The following FRMD4B variants were observed in gnomAD, a reference collection of about 807,000 sequenced individuals.
FRMD4B encodes FERM domain containing 4B, also known as FERM domain-containing protein 4B.
Under a neutral mutation model 141.5 loss-of-function variants are expected in FRMD4B, and 74 were observed. The ratio of observed to expected loss-of-function variants is 0.52; its 90% CI spans 0.43 to 0.63. The LOEUF is 0.63. FRMD4B is among the 30% of genes least tolerant of loss of function. The pLI, the probability that FRMD4B is intolerant of heterozygous loss-of-function variation, is 0.00. For synonymous variants in FRMD4B, 506 were observed against 467.9 expected (o/e 1.08, Z -1.05); for missense variants, 1,366 against 1,253.4 (o/e 1.09, Z -1.36).
intron 7 of FRMD4B, among the ~76,000 whole-genome samples, chr3:69,227,336 G>A (rs2093264067): frequency 6.6e-6 from 1 of 152,022 alleles, no homozygotes; most frequent in Non-Finnish European, 1.5e-5. Context: ...AGTGGATTAG[G>A]ATCATTTTAA....
intron 1 of FRMD4B, among the ~76,000 whole-genome samples, chr3:69,516,717 T>C (rs1700765130): frequency 6.6e-6 from 1 of 152,186 alleles, no homozygotes; most frequent in Non-Finnish European, 1.5e-5. Context: ...AGAGAAGTCA[T>C]TGGATCTTAT....
chr3:69,245,116 A>C (rs546595981), intron 7 of FRMD4B, among the ~76,000 whole-genome samples: 1 of 152,268 alleles, frequency 6.6e-6, no homozygotes, highest in East Asian at 1.9e-4. Context: ...CCTCACAGCA[A>C]TCCTATGGAG....
At chr3:69,498,057 G>T (rs563922277) in intron 1 of FRMD4B, among the ~76,000 whole-genome samples, 2 of 152,336 alleles carry the variant, frequency 1.3e-5, no homozygotes, top group South Asian at 4.1e-4. Flanking sequence ...TGGGGAGAAT[G>T]CTGCCGAGGA....
At chr3:69,450,044 A>G (rs1333312469) in intron 1 of FRMD4B, among the ~76,000 whole-genome samples, 1 of 151,078 alleles carries the variant, frequency 6.6e-6, no homozygotes. Context: ...AAGGTTCCTC[A>G]GCGTCAGTTT....
At chr3:69,467,220 C>T (rs781134764) in intron 1 of FRMD4B, among the ~76,000 whole-genome samples, 12 of 152,164 alleles carry the variant, frequency 7.9e-5, no homozygotes, top group Non-Finnish European at 1.8e-4. Context: ...CACTTTGGTT[C>T]TCCAAGCTCA....
At chr3:69,484,515 G>T (rs376105894) in intron 1 of FRMD4B, among the ~76,000 whole-genome samples, 11 of 152,170 alleles carry the variant, frequency 7.2e-5, no homozygotes, top group African/African-American at 2.7e-4. Context: ...GATTTATTAA[G>T]TGTTAGAATA....
In FRMD4B at chr3:69,285,332, T is replaced by C. The variant is rs746279811; in HGVS notation, c.501+2420A>G. 4.0e-5 allele frequency among the ~76,000 whole-genome samples: 6 copies of C among 149,458 alleles called. No homozygotes were observed. The South Asian group carries it at 6.3e-4, about 16-fold the overall frequency. ...TCCCCACAAATGCAAAGCATTACTATGTGACAAGTTCAAGTGGCCAAGCGT... is the reference window on the plus strand; with the variant it reads ...TCCCCACAAATGCAAAGCATTACTACGTGACAAGTTCAAGTGGCCAAGCGT... On this transcript the variant is annotated intron_variant, in intron 5 of 22. Coordinates refer to ENST00000398540, the MANE Select transcript of FRMD4B (RefSeq NM_015123.3).
rs1446938784 is a variant in FRMD4B, at chr3:69,195,324, T to G, written c.1275A>C (p.Glu425Asp). 19 of 1,613,272 alleles carry G rather than the reference T, an allele frequency of 1.2e-5. No individual in the cohort carries two copies. Among genetic ancestry groups the G allele is most frequent in the Non-Finnish European group, 1.4e-5 (17 of 1,179,634 alleles). The change falls in exon 15 of 23, where the codon GAA (glutamate) becomes GAC (aspartate). Residue 425 changes from glutamate to aspartate, a missense_variant. By Grantham distance (45) the Glu-to-Asp change is conservative (BLOSUM62 2). Coordinates refer to ENST00000398540, the MANE Select transcript of FRMD4B (RefSeq NM_015123.3). ...CCTTCTTCTTTAGTTCAAGGATTTT[T>G]TCTCTCTTTTGCTCTTCACTAACTT... is the stretch of plus-strand genomic sequence containing the variant. ...DSEVSEEQKR[E>D]KILELKKKEK...
intron 1 of FRMD4B, among the ~76,000 whole-genome samples, chr3:69,433,873 A>G (rs1472216001): frequency 6.6e-6 from 1 of 152,174 alleles, no homozygotes. Context: ...TCTCTCAGTG[A>G]AACATTAGGC....
intron 5 of FRMD4B, among the ~76,000 whole-genome samples, chr3:69,285,581 G>C (rs1038511468): frequency 6.6e-6 from 1 of 152,068 alleles, no homozygotes. Context: ...AGTGGCTCAT[G>C]CCTATAATCC....
chr3:69,534,070 A>C (rs56304017), intron 1 of FRMD4B, among the ~76,000 whole-genome samples: 34,535 of 152,078 alleles, frequency 0.23, 4,070 homozygotes, highest in Admixed American at 0.27. Context: ...CAGGCCCCGT[A>C]CCAGATCTAC....
rs529668283 is a variant in FRMD4B, at chr3:69,436,310, GATCA to G, written c.-128-3553_-128-3550del. ...AATACTAAAAAACGTAGGTGTTACGGATCAATCAATCAGACGGAAATATATACAA... is the reference window on the plus strand; with the variant it reads ...AATACTAAAAAACGTAGGTGTTACGGATCAATCAGACGGAAATATATACAA... On this transcript the variant is annotated intron_variant, in intron 1 of 5. Coordinates refer to the FRMD4B transcript ENST00000459638. Among the ~76,000 whole-genome samples, 193 of 152,250 alleles carry G rather than the reference GATCA, an allele frequency of 1.3e-3. 1 individual carries two copies. The highest frequency in any genetic ancestry group is 4.4e-3 in the African/African-American group (181 of 41,548).
At chr3:69,335,466 G>A (rs555641660) in intron 1 of FRMD4B, among the ~76,000 whole-genome samples, 2 of 148,098 alleles carry the variant, frequency 1.4e-5, no homozygotes, top group African/African-American at 2.5e-5. Context: ...TCCACCTCCC[G>A]GTTCAAGCAA....
chr3:69,526,167 C>T (rs1700928945), intron 1 of FRMD4B, among the ~76,000 whole-genome samples: 1 of 152,142 alleles, frequency 6.6e-6, no homozygotes, highest in South Asian at 2.1e-4. Flanking sequence ...CTCCACCTCC[C>T]AGAAGTAGCC....
At chr3:69,246,800 G>A (rs11713163) in intron 7 of FRMD4B, among the ~76,000 whole-genome samples, 35,360 of 152,130 alleles carry the variant, frequency 0.23, 5,267 homozygotes, top group Non-Finnish European at 0.31. Context: ...GATCACTCAG[G>A]AAAACCACCA....
At chr3:69,512,343 G>C (rs1481925358) in intron 1 of FRMD4B, among the ~76,000 whole-genome samples, 1 of 152,090 alleles carries the variant, frequency 6.6e-6, no homozygotes, top group Non-Finnish European at 1.5e-5. Flanking sequence ...CACTTTCTTG[G>C]GTTAACCGCA....
intron 2 of FRMD4B, among the ~76,000 whole-genome samples, chr3:69,312,696 C>T (rs1466480564): frequency 1.3e-5 from 2 of 152,092 alleles, no homozygotes; most frequent in African/African-American, 4.8e-5. Flanking sequence ...GTCAGGAGTT[C>T]GAGGCCAGCC....
At chr3:69,389,501 T>C (rs893789662), upstream of FRMD4B, among the ~76,000 whole-genome samples, 5 of 152,238 alleles carry the variant, frequency 3.3e-5, no homozygotes, top group Non-Finnish European at 7.3e-5. Flanking sequence ...CCCAAAAAGC[T>C]TTTTGAGCTT....
At chr3:69,327,295 G>A (rs1218016681) in intron 1 of FRMD4B, among the ~76,000 whole-genome samples, 1 of 152,220 alleles carries the variant, frequency 6.6e-6, no homozygotes, top group Non-Finnish European at 1.5e-5. Context: ...AAAGTCTCAA[G>A]TGTAACTTGT....
Sources: gnomAD v4.1 joint callset for allele counts (sites outside exome capture counted in the v4.1 genomes callset) on GRCh38, gnomAD v4.1.1 for gene constraint, MANE v1.5 for transcripts, NCBI Gene and HGNC (gene_info 2026-07-23, HGNC 2026-07-21) for gene names.